CYB561D2: variants seen among roughly 807,000 people sequenced by gnomAD.
CYB561D2 encodes the protein transmembrane reductase CYB561D2.
In CYB561D2, 16 loss-of-function variants were observed where a neutral mutation model predicts 20.2. The ratio of observed to expected loss-of-function variants is 0.79; its 90% CI spans 0.53 to 1.20. The LOEUF (loss-of-function observed/expected upper bound fraction) is 1.20. Among genes scored for constraint, CYB561D2 ranks in the 50% most tolerant of loss-of-function variants. The pLI, the probability that CYB561D2 is intolerant of heterozygous loss-of-function variation, is 0.00. For synonymous variants in CYB561D2, 135 were observed against 128.3 expected (o/e 1.05, Z -0.35); for missense variants, 247 against 270.3 (o/e 0.91, Z 0.60).
chr3:50,351,859 T>A (rs1703772846), intron 2 of CYB561D2, 150 bp from the exon 3 acceptor site: 1 of 936,330 alleles, frequency 1.1e-6, no homozygotes, highest in East Asian at 2.6e-5. Flanking sequence ...AGGATAGGTG[T>A]GGGGTCAGCT....
At chr3:50,351,646 C>T in intron 2 of CYB561D2, 86 bp downstream of exon 2, 1 of 1,534,298 alleles carries the variant, frequency 6.5e-7, no homozygotes, top group Non-Finnish European at 8.8e-7. Context: ...GGGAACAGGC[C>T]TGGCTGGTTG....
Position 50,352,678 on chromosome 3 carries a change from T to G in CYB561D2, c.166-563T>G, listed in dbSNP as rs199925828. 1.6e-4 allele frequency among the ~76,000 whole-genome samples: 17 copies of G among 104,422 alleles called. No homozygotes were observed. The East Asian group carries it at 7.1e-3, about 44-fold the overall frequency. 68.5% of individuals were successfully genotyped at this position (104,422 alleles called of 152,430 possible). A position where few individuals can be genotyped will look rare whatever the true frequency, so the allele number is the denominator to read the frequency against. On this transcript the variant is annotated intron_variant, in intron 3 of 3. Transcript: ENST00000425346. ...TCCAGCCTGGGTGACAGAGAGAGAC[T>G]ATCTCCAAAAAAAAAAAAAAAAAAA...
chr3:50,351,594 G>A, intron 2 of CYB561D2, 34 bp downstream of exon 2: 2 of 1,598,918 alleles, frequency 1.3e-6, no homozygotes, highest in Non-Finnish European at 1.7e-6. Flanking sequence ...TCTGGGAAGG[G>A]AAGGGCCACT....
chr3:50,352,135 A>G (rs1304418744), intron 3 of CYB561D2, 89 bp downstream of exon 3: 10 of 1,479,818 alleles, frequency 6.8e-6, no homozygotes, highest in Non-Finnish European at 9.4e-6. Context: ...TCCACATTTA[A>G]TATCTGTTTG....
intron 3 of CYB561D2, among the ~76,000 whole-genome samples, chr3:50,352,868 C>T (rs1030153815): frequency 1.3e-5 from 2 of 152,152 alleles, no homozygotes; most frequent in African/African-American, 4.8e-5. Flanking sequence ...ATGCACCTAA[C>T]TTTCCCTGAA....
rs2109371649 is a variant in CYB561D2 at position 50,351,448 on chromosome 3, G to A, written c.15G>A (p.Ala5=). ...CACGGCTGACGATGGCCCTTTCTGC[G>A]GAGACCGAGTCACACATCTACCGAG... MALS[A]ETESHIYRAL... Residue 5 remains alanine, a synonymous_variant, in exon 2 of 4, where the codon GCG becomes GCA. Coordinates refer to ENST00000425346, the MANE Select transcript of CYB561D2 (RefSeq NM_001291284.2). 3 of 1,613,614 alleles carry A rather than the reference G, an allele frequency of 1.9e-6. No homozygotes were observed. Among genetic ancestry groups the A allele is most frequent in the South Asian group, 2.2e-5 (2 of 91,086 alleles).
chr3:50,353,672 T>C lies in CYB561D2; in HGVS notation c.597T>C (p.Pro199=), dbSNP rs757293150. 2 of 1,613,326 alleles carry C rather than the reference T, an allele frequency of 1.2e-6. No homozygotes were observed. The highest frequency in any genetic ancestry group is 1.3e-5 in the African/African-American group (1 of 74,936). ...CCTGGTACCTGGCTGTATTATGCCCTGTCCTCACCAGCTTGGTCATTATGA... is the reference window on the plus strand; with the variant it reads ...CCTGGTACCTGGCTGTATTATGCCCCGTCCTCACCAGCTTGGTCATTATGA... ...GAAWYLAVLC[P]VLTSLVIMNQ... Residue 199 remains proline (P), a synonymous_variant, in exon 4 of 4, where the codon CCT becomes CCC. Transcript: ENST00000425346.
intron 1 of CYB561D2, 102 bp downstream of exon 1, chr3:50,351,086 TTCCATAGTGC>T: frequency 4.5e-6 from 2 of 448,070 alleles, no homozygotes; most frequent in Non-Finnish European, 7.5e-6. Flanking sequence ...GAACTACAAT[TTCCATAGTGC>T]TCCGCGCCCT....
At chr3:50,352,913 A>G (rs774013585) in intron 3 of CYB561D2, among the ~76,000 whole-genome samples, 52 of 152,188 alleles carry the variant, frequency 3.4e-4, no homozygotes, top group Non-Finnish European at 6.2e-4. Context: ...TTGCCAAGAA[A>G]TTGTATCCAG....
At chr3:50,352,684 CAA>C (rs59516380) in intron 3 of CYB561D2, among the ~76,000 whole-genome samples, 1 of 45,702 alleles carries the variant, frequency 2.2e-5, no homozygotes, top group African/African-American at 8.4e-5. Context: ...AGACTATCTC[CAA>C]AAAAAAAAAA....
chr3:50,353,094 C>A, intron 3 of CYB561D2, 147 bp from the exon 4 acceptor site: 2 of 1,219,748 alleles, frequency 1.6e-6, no homozygotes, highest in Non-Finnish European at 2.3e-6. Flanking sequence ...CACTCTTGCC[C>A]CACCAAATGG....
Position 50,353,697 on chromosome 3 carries a change from A to G in CYB561D2, c.622A>G (p.Asn208Asp). The change falls in exon 4 of 4, where the codon AAC becomes GAC. Residue 208 changes from asparagine to aspartate, a missense_variant. Physicochemically the swap from Asn to Asp is conservative, Grantham distance 23. Transcript: ENST00000425346. The part of the protein sequence containing the change: ...CPVLTSLVIM[N>D]QVSNAYLYRK... The stretch of plus-strand genomic sequence containing the variant: ...TGTCCTCACCAGCTTGGTCATTATG[A>G]ACCAGGTGAGCAATGCCTACCTATA... 6.2e-7 allele frequency: 1 copy of G among 1,612,686 alleles called. No individual in the cohort carries two copies. Among genetic ancestry groups the G allele is most frequent in the Non-Finnish European group, 8.5e-7 (1 of 1,179,806 alleles).
In CYB561D2 at chr3:50,353,310, C is replaced by A; in HGVS notation, c.235C>A (p.Arg79=). 6.2e-7 allele frequency: 1 copy of A among 1,605,046 alleles called. No individual in the cohort carries two copies. Among genetic ancestry groups the A allele is most frequent in the Non-Finnish European group, 8.5e-7 (1 of 1,173,108 alleles). Residue 79 remains arginine, a synonymous_variant, in exon 4 of 4, where the codon CGG becomes AGG. Transcript: ENST00000425346. ...GAGTTCGCTGCTGCACTCCCTCTCA[C>A]GGAAAGGCCGAGCACGCTGCCACTG... ...PESSLLHSLS[R]KGRARCHWVL...
chr3:50,352,980 C>T (rs139060343), intron 3 of CYB561D2, among the ~76,000 whole-genome samples: 1 of 152,316 alleles, frequency 6.6e-6, no homozygotes, highest in East Asian at 1.9e-4. Flanking sequence ...ATCTCAAACC[C>T]TGTGTTTGCT....
chr3:50,353,889 G>C lies in CYB561D2; in HGVS notation c.*145G>C. On this transcript the variant is annotated 3_prime_UTR_variant, in exon 4 of 4. Coordinates refer to ENST00000425346, the MANE Select transcript of CYB561D2 (RefSeq NM_001291284.2). ...TTTGGAGGCCCGTGTGTGAATTCCT[G>C]CTCCTCATGCTGGAGTGCCTCCCAT... The C allele has an allele frequency of 1.1e-6, 1 of 897,338 alleles. No homozygotes were observed. Among genetic ancestry groups the C allele is most frequent in the Middle Eastern group, 3.6e-4 (1 of 2,808 alleles). 55.6% of individuals were successfully genotyped at this position (897,338 alleles called of 1,614,324 possible).
At position 50,353,828 on chromosome 3, in the gene CYB561D2, G is replaced by A. The variant is rs1703826581; in HGVS notation, c.*84G>A. 2 of 1,474,696 alleles carry A rather than the reference G, an allele frequency of 1.4e-6. No homozygotes were observed. The highest frequency in any genetic ancestry group is 1.4e-5 in the African/African-American group (1 of 71,642). 91.4% of individuals were successfully genotyped at this position (1,474,696 alleles called of 1,614,324 possible). A position where few individuals can be genotyped will look rare whatever the true frequency, so the allele number is the denominator to read the frequency against. Reference sequence around the variant, plus strand: ...GGACCTGTTGAACTCTCTCAGCTGAGTCAGGGGACACCTCAGGCACTGGGA... The same window carrying A: ...GGACCTGTTGAACTCTCTCAGCTGAATCAGGGGACACCTCAGGCACTGGGA... On this transcript the variant is annotated 3_prime_UTR_variant, in exon 4 of 4. Transcript: ENST00000425346.
rs2109371597 is a variant in CYB561D2, at chr3:50,351,433, G to C, written c.-1G>C. On this transcript the variant is annotated 5_prime_UTR_variant, in exon 2 of 4. Transcript: ENST00000425346. Reference sequence around the variant, plus strand: ...GGCTACAACCACTAGCACGGCTGACGATGGCCCTTTCTGCGGAGACCGAGT... The same window carrying C: ...GGCTACAACCACTAGCACGGCTGACCATGGCCCTTTCTGCGGAGACCGAGT... 1.9e-6 allele frequency: 3 copies of C among 1,613,386 alleles called. No homozygotes were observed. Among genetic ancestry groups the C allele is most frequent in the Non-Finnish European group, 2.5e-6 (3 of 1,179,758 alleles).
rs2109375247 is a variant in CYB561D2, at chr3:50,353,293, T to G, written c.218T>G (p.Leu73Arg). 6.3e-7 allele frequency: 1 copy of G among 1,598,298 alleles called. No individual in the cohort carries two copies. The highest frequency in any genetic ancestry group is 1.7e-5 in the Admixed American group (1 of 59,442). ...ALLVFSPESS[L>R]LHSLSRKGRA... ...CTGGTGTTTTCTCCTGAGAGTTCGC[T>G]GCTGCACTCCCTCTCACGGAAAGGC... Residue 73 changes from leucine (L) to arginine (R), a missense_variant, in exon 4 of 4, where the codon CTG becomes CGG. Physicochemically the swap from Leu to Arg is moderately radical, Grantham distance 102. Transcript: ENST00000425346.
Position 50,353,559 on chromosome 3 carries a change from T to G in CYB561D2, c.484T>G (p.Ser162Ala). 1 of 1,613,756 alleles carries G rather than the reference T, an allele frequency of 6.2e-7. No homozygotes were observed. The highest frequency in any genetic ancestry group is 8.5e-7 in the Non-Finnish European group (1 of 1,180,038). Residue 162 changes from serine to alanine, a missense_variant, in exon 4 of 4, where the codon TCT becomes GCT. Ser to Ala is a moderately conservative substitution (Grantham distance 99). Coordinates refer to ENST00000425346, the MANE Select transcript of CYB561D2 (RefSeq NM_001291284.2). ...GAAGCTCAAGCTATACCATGCTACTTCTGGGCTGGTGGGCTACCTGCTGGG... is the reference window on the plus strand; with the variant it reads ...GAAGCTCAAGCTATACCATGCTACTGCTGGGCTGGTGGGCTACCTGCTGGG... ...LAKLKLYHATSGLVGYLLGSA... is the reference protein window; with the variant it reads ...LAKLKLYHATAGLVGYLLGSA...
Sources: gnomAD v4.1 joint callset for allele counts (sites outside exome capture counted in the v4.1 genomes callset) on GRCh38, gnomAD v4.1.1 for gene constraint, MANE v1.5 for transcripts, NCBI Gene and HGNC (gene_info 2026-07-23, HGNC 2026-07-21) for gene names.